Variants in NAPEPLD observed in about 807,000 individuals in gnomAD.
The protein encoded by NAPEPLD is N-acyl phosphatidylethanolamine phospholipase D.
A neutral mutation model predicts 38.1 loss-of-function variants in NAPEPLD; 23 were observed. The observed-to-expected ratio is 0.60, with a 90% CI of 0.43 to 0.86. The LOEUF is 0.86. Among genes scored for constraint, NAPEPLD ranks in the 40% least tolerant of loss-of-function variants. The pLI, the probability that NAPEPLD is intolerant of heterozygous loss-of-function variation, is 0.00. For missense variants in NAPEPLD, 411 were observed against 476.8 expected (o/e 0.86, Z 1.28); for synonymous variants, 147 against 162.0 (o/e 0.91, Z 0.71).
At chr7:103,119,554 GT>G (rs1169283275) in intron 3 of NAPEPLD, 22 bp downstream of exon 3, 1 of 1,581,446 alleles carries the variant, frequency 6.3e-7, no homozygotes, top group Non-Finnish European at 8.6e-7. Flanking sequence ...TAGCAGGAAT[GT>G]TTTCTTTGGA....
chr7:103,132,064 G>A (rs73175808), intron 1 of NAPEPLD, among the ~76,000 whole-genome samples: 20,560 of 152,134 alleles, frequency 0.14, 1,479 homozygotes, highest in Middle Eastern at 0.2. Flanking sequence ...CGGAGACTCC[G>A]TCTAAAAAGA....
chr7:103,124,565 T>C (rs1807371277), intron 2 of NAPEPLD, among the ~76,000 whole-genome samples: 1 of 152,188 alleles, frequency 6.6e-6, no homozygotes, highest in Non-Finnish European at 1.5e-5. Context: ...GGCATTTTCA[T>C]GGCTAGATCA....
intron 3 of NAPEPLD, 79 bp from the exon 4 acceptor site, chr7:103,115,253 C>CT: frequency 9.9e-7 from 1 of 1,010,200 alleles, no homozygotes; most frequent in Non-Finnish European, 1.5e-6. Context: ...CTTAACCAAA[C>CT]TTTAAGATTC....
At chr7:103,105,936 A>G (rs1803238614) in intron 4 of NAPEPLD, among the ~76,000 whole-genome samples, 1 of 148,888 alleles carries the variant, frequency 6.7e-6, no homozygotes, top group South Asian at 2.1e-4. Context: ...CCGTCTCAAA[A>G]AAAAAAAAAA....
At chr7:103,126,152 G>A (rs1468905051) in intron 2 of NAPEPLD, among the ~76,000 whole-genome samples, 2 of 152,044 alleles carry the variant, frequency 1.3e-5, no homozygotes, top group Admixed American at 1.3e-4. Context: ...GACAGAGTGA[G>A]ACCCTATCAA....
chr7:103,105,858 A>G lies in NAPEPLD; in HGVS notation c.1057-2304T>C, dbSNP rs186587286. The stretch of plus-strand genomic sequence containing the variant: ...TGAGGCAGGAGAATTGCTTGAACCC[A>G]GGAGACGGAGGTTGCAGCGCGCCGA... On this transcript the variant is annotated intron_variant, in intron 4 of 4. Coordinates refer to ENST00000465647, the MANE Select transcript of NAPEPLD (RefSeq NM_001122838.3). Among the ~76,000 whole-genome samples, 810 of 145,786 alleles carry G rather than the reference A, an allele frequency of 5.6e-3. 8 individuals carry two copies. The highest frequency in any genetic ancestry group is 0.02 in the African/African-American group (774 of 38,986).
chr7:103,119,361 T>G (rs1265971256), intron 3 of NAPEPLD, among the ~76,000 whole-genome samples: 1 of 152,114 alleles, frequency 6.6e-6, no homozygotes, highest in African/African-American at 2.4e-5. Flanking sequence ...TTGCACACCA[T>G]ATACACAATT....
chr7:103,139,795 G>C (rs549685417), intron 1 of NAPEPLD, among the ~76,000 whole-genome samples: 1 of 152,264 alleles, frequency 6.6e-6, no homozygotes, highest in Admixed American at 6.5e-5. Flanking sequence ...CCCAGGACAT[G>C]ACTACATCAG....
chr7:103,117,949 G>A (rs968268736), intron 3 of NAPEPLD, among the ~76,000 whole-genome samples: 1 of 152,176 alleles, frequency 6.6e-6, no homozygotes, highest in Non-Finnish European at 1.5e-5. Flanking sequence ...TTGGGAGGCC[G>A]ACACAGGCAG....
intron 1 of NAPEPLD, among the ~76,000 whole-genome samples, chr7:103,130,794 A>T (rs1260811644): frequency 6.6e-6 from 1 of 152,048 alleles, no homozygotes; most frequent in Non-Finnish European, 1.5e-5. Context: ...ATGGGGTTTC[A>T]CCGTGTTACC....
intron 1 of NAPEPLD, among the ~76,000 whole-genome samples, chr7:103,140,251 C>T (rs927676612): frequency 6.6e-6 from 1 of 152,032 alleles, no homozygotes; most frequent in Non-Finnish European, 1.5e-5. Context: ...ACATGTATAC[C>T]ATTTTTGCAT....
At chr7:103,111,591 C>G (rs1804534984) in intron 4 of NAPEPLD, among the ~76,000 whole-genome samples, 1 of 152,146 alleles carries the variant, frequency 6.6e-6, no homozygotes, top group Non-Finnish European at 1.5e-5. Context: ...CTTCCTTACA[C>G]CTTATACAAA....
At chr7:103,148,454 GAAA>G (rs767589521) in intron 1 of NAPEPLD, among the ~76,000 whole-genome samples, 2 of 108,774 alleles carry the variant, frequency 1.8e-5, no homozygotes, top group African/African-American at 3.3e-5. Flanking sequence ...GCTCTAGCTT[GAAA>G]AAAAAAAAAA....
Position 103,115,161 on chromosome 7 carries a change from A to G in NAPEPLD, c.955T>C (p.Tyr319His), listed in dbSNP as rs1405948784. 6.2e-7 allele frequency: 1 copy of G among 1,612,636 alleles called. No individual in the cohort carries two copies. The highest frequency in any genetic ancestry group is 1.7e-5 in the Admixed American group (1 of 59,710). Residue 319 changes from tyrosine to histidine, a missense_variant, in exon 4 of 5, where the codon TAC becomes CAC. By Grantham distance (83) the Tyr-to-His change is moderately conservative. Coordinates refer to ENST00000465647, the MANE Select transcript of NAPEPLD (RefSeq NM_001122838.3). ...GAYEPRWFMK[Y>H]QHVDPEEAVR... ...GCTTCTTCTGGGTCTACATGCTGGT[A>G]TTTCATAAACCACCTGAAGAAACAT... is the stretch of plus-strand genomic sequence containing the variant.
In NAPEPLD at chr7:103,102,204, T is replaced by G. The variant is rs926685048; in HGVS notation, c.*1225A>C. Reference sequence around the variant, plus strand: ...CAAATTTAATTCAAAGAATATGGTCTATTAACATTTTGTCTGTAAAATATT... The same window carrying G: ...CAAATTTAATTCAAAGAATATGGTCGATTAACATTTTGTCTGTAAAATATT... On this transcript the variant is annotated 3_prime_UTR_variant, in exon 5 of 5. Transcript: ENST00000465647. The G allele has an allele frequency of 9.8e-5, 15 of 152,322 alleles. No individual in the cohort carries two copies. The highest frequency in any genetic ancestry group is 3.6e-4 in the African/African-American group (15 of 41,572). The allele number at this position is 152,322 out of a possible 1,614,324, so 9.4% of individuals were successfully genotyped here. A position where few individuals can be genotyped will look rare whatever the true frequency, so the allele number is the denominator to read the frequency against.
chr7:103,149,270 C>CCG (rs1315619606), upstream of NAPEPLD: 2 of 1,031,692 alleles, frequency 1.9e-6, no homozygotes, highest in Admixed American at 6.1e-5. Context: ...CGCGGGGGTG[C>CCG]GGACTCACCT....
intron 2 of NAPEPLD, 144 bp from the exon 3 acceptor site, chr7:103,120,367 C>T: frequency 1.2e-6 from 1 of 836,888 alleles, no homozygotes; most frequent in Non-Finnish European, 1.8e-6. Flanking sequence ...TACACTTTTG[C>T]TTTTTTCTTG....
chr7:103,120,704 T>TTTC (rs1490070257), intron 2 of NAPEPLD, among the ~76,000 whole-genome samples: 13 of 80,588 alleles, frequency 1.6e-4, no homozygotes, highest in African/African-American at 6.1e-4. Context: ...TATTTTTCTT[T>TTTC]TTTTTTTTTT....
At position 103,111,348 on chromosome 7, in the gene NAPEPLD, G is replaced by A. The variant is rs545777010; in HGVS notation, c.1056+3712C>T. Among the ~76,000 whole-genome samples, 3 of 152,258 alleles carry A rather than the reference G, an allele frequency of 2.0e-5. No homozygotes were observed. In the South Asian group the frequency reaches 6.2e-4, roughly 32 times the overall value. On this transcript the variant is annotated intron_variant, in intron 4 of 4. Coordinates refer to ENST00000465647, the MANE Select transcript of NAPEPLD (RefSeq NM_001122838.3). ...CAAAGCTGGAGGCATCATGCTACCT[G>A]ACTTCAAGCTATACTACAAGGTTAC...
Sources: gnomAD v4.1 joint callset for allele counts (sites outside exome capture counted in the v4.1 genomes callset) on GRCh38, gnomAD v4.1.1 for gene constraint, MANE v1.5 for transcripts, NCBI Gene and HGNC (gene_info 2026-07-23, HGNC 2026-07-21) for gene names.